ACSL1: variants seen among roughly 807,000 people sequenced by gnomAD.
ACSL1 encodes the protein acyl-CoA synthetase long chain family member 1, also known as long-chain-fatty-acid--CoA ligase 1.
A neutral mutation model predicts 98.4 loss-of-function variants in ACSL1; 41 were observed. That is an observed-to-expected ratio of 0.42 (90% CI 0.32 to 0.54). The LOEUF (loss-of-function observed/expected upper bound fraction) is 0.54. ACSL1 is among the 20% of genes least tolerant of loss of function. The pLI is 0.13. For synonymous variants in ACSL1, 316 were observed against 322.7 expected, an observed-to-expected ratio of 0.98 and a Z score of 0.22; for missense variants, 734 against 883.1, an observed-to-expected ratio of 0.83 and a Z score of 2.14.
intron 2 of ACSL1, among the ~76,000 whole-genome samples, chr4:184,800,159 T>C (rs1053724985): frequency 6.6e-6 from 1 of 152,142 alleles, no homozygotes; most frequent in African/African-American, 2.4e-5. Flanking sequence ...CAAGCAGACA[T>C]TGCATAACTC....
chr4:184,782,027 TG>T (rs1280897379), intron 4 of ACSL1, among the ~76,000 whole-genome samples: 2 of 152,178 alleles, frequency 1.3e-5, no homozygotes, highest in Non-Finnish European at 2.9e-5. Flanking sequence ...CTACTGGTTC[TG>T]GGCCTTGGCA....
intron 1 of ACSL1, among the ~76,000 whole-genome samples, chr4:184,807,575 G>A (rs1771587854): frequency 6.6e-6 from 1 of 152,234 alleles, no homozygotes; most frequent in Non-Finnish European, 1.5e-5. Flanking sequence ...CAGCACAGGA[G>A]ATTCCTTTAA....
Position 184,757,990 on chromosome 4 carries a change from T to A in ACSL1, c.1783-70A>T, listed in dbSNP as rs936390004. The A allele has an allele frequency of 6.2e-6, 9 of 1,452,834 alleles. No individual in the cohort carries two copies. In the African/African-American group the frequency reaches 1.3e-4, roughly 20 times the overall value. The allele number at this position is 1,452,834 out of a possible 1,614,324, so 90.0% of individuals were successfully genotyped here. On this transcript the variant is annotated intron_variant, in intron 18 of 20. Transcript: ENST00000281455. This position sits in a 1 kb window ranked among gnomAD's most constrained non-coding sequence, Gnocchi z 4.5. ...CTCTAAAATAGTGGTTCTTTATTTTTCCATCTTGTGGCCCCCTGGGAGAAT... is the reference window on the plus strand; with the variant it reads ...CTCTAAAATAGTGGTTCTTTATTTTACCATCTTGTGGCCCCCTGGGAGAAT...
chr4:184,785,368 C>T (rs929370488), intron 3 of ACSL1, among the ~76,000 whole-genome samples: 4 of 152,082 alleles, frequency 2.6e-5, no homozygotes, highest in Admixed American at 6.6e-5. Flanking sequence ...CCCGATGGCA[C>T]AAAAGTGCAG....
At chr4:184,769,040 G>A (rs1392192135) in intron 11 of ACSL1, among the ~76,000 whole-genome samples, 4 of 149,438 alleles carry the variant, frequency 2.7e-5, no homozygotes, top group Non-Finnish European at 5.9e-5. Context: ...CTGCTCTCCA[G>A]CCTGGGCCAC....
chr4:184,802,347 T>A (rs994036907), intron 2 of ACSL1, among the ~76,000 whole-genome samples: 1 of 152,094 alleles, frequency 6.6e-6, no homozygotes, highest in Non-Finnish European at 1.5e-5. Flanking sequence ...ACACACTCCC[T>A]CTGCGGCAGT....
intron 3 of ACSL1, among the ~76,000 whole-genome samples, chr4:184,785,478 GC>G (rs1476408256): frequency 6.6e-6 from 1 of 152,024 alleles, no homozygotes; most frequent in Admixed American, 6.6e-5. Context: ...TAGGCGGGCT[GC>G]TTCTATCATT....
In ACSL1 at chr4:184,814,106, C is replaced by T. The variant is rs548840665; in HGVS notation, c.-32-10560G>A. ...GAGATCAAGACCATCCTGGCTCACA[C>T]GGTGAAACCCCGTCTCTACTAAAAA... On this transcript the variant is annotated intron_variant, in intron 1 of 20. Coordinates refer to ENST00000281455, the MANE Select transcript of ACSL1 (RefSeq NM_001995.5). Among the ~76,000 whole-genome samples the T allele has an allele frequency of 1.9e-4, 29 of 152,026 alleles. No individual in the cohort carries two copies. The South Asian group carries it at 5.0e-3, about 26-fold the overall frequency.
intron 3 of ACSL1, 88 bp downstream of exon 3, chr4:184,788,529 A>G (rs1767803034): frequency 1.9e-6 from 2 of 1,076,796 alleles, no homozygotes; most frequent in Non-Finnish European, 2.8e-6. Flanking sequence ...GAGGCGAAAG[A>G]TAGGAGCAAA....
At chr4:184,809,805 A>T (rs751918449) in intron 1 of ACSL1, among the ~76,000 whole-genome samples, 2 of 152,194 alleles carry the variant, frequency 1.3e-5, no homozygotes, top group Non-Finnish European at 2.9e-5. Flanking sequence ...CAAAAAAAAT[A>T]AAAATAAAAT....
intron 12 of ACSL1, among the ~76,000 whole-genome samples, chr4:184,767,253 G>A (rs147909401): frequency 6.9e-6 from 1 of 144,792 alleles, no homozygotes; most frequent in African/African-American, 2.6e-5. Flanking sequence ...CTGCACTCTA[G>A]CCTGGATGAC....
chr4:184,782,541 T>C (rs1235048489), intron 4 of ACSL1, among the ~76,000 whole-genome samples: 1 of 152,118 alleles, frequency 6.6e-6, no homozygotes, highest in African/African-American at 2.4e-5. Context: ...GCACAGAGGA[T>C]TCCATGATGC....
intron 2 of ACSL1, among the ~76,000 whole-genome samples, chr4:184,797,170 C>T (rs1169717283): frequency 2.6e-5 from 4 of 152,190 alleles, no homozygotes; most frequent in South Asian, 2.1e-4. Flanking sequence ...CCGCTCACAG[C>T]GGGCCCCAGC....
intron 2 of ACSL1, among the ~76,000 whole-genome samples, chr4:184,799,913 T>C (rs1022324256): frequency 4.6e-5 from 7 of 152,120 alleles, no homozygotes; most frequent in African/African-American, 1.7e-4. Context: ...TGACTCTTCA[T>C]ATTGATCTGG....
intron 1 of ACSL1, among the ~76,000 whole-genome samples, chr4:184,824,287 G>A (rs1773290063): frequency 3.1e-5 from 4 of 127,624 alleles, no homozygotes. Flanking sequence ...CACCACGCCT[G>A]GCTAATTATT....
intron 1 of ACSL1, among the ~76,000 whole-genome samples, chr4:184,804,587 G>GA (rs56884755): frequency 1.6e-3 from 153 of 94,202 alleles, no homozygotes; most frequent in Middle Eastern, 5.2e-3. Flanking sequence ...TCTCAAAAAA[G>GA]AAAAAAAAAA....
At chr4:184,796,253 G>A (rs1045686514) in intron 2 of ACSL1, among the ~76,000 whole-genome samples, 4 of 152,170 alleles carry the variant, frequency 2.6e-5, no homozygotes, top group Admixed American at 6.5e-5. Context: ...GTTGGGACTC[G>A]GACTGGCTTT....
chr4:184,796,252 C>T (rs950149608), intron 2 of ACSL1, among the ~76,000 whole-genome samples: 8 of 152,192 alleles, frequency 5.3e-5, no homozygotes, highest in South Asian at 4.1e-4. Flanking sequence ...CGTTGGGACT[C>T]GGACTGGCTT....
chr4:184,791,723 C>A (rs1005390968), intron 2 of ACSL1, among the ~76,000 whole-genome samples: 1 of 152,094 alleles, frequency 6.6e-6, no homozygotes, highest in South Asian at 2.1e-4. Flanking sequence ...TCCTACAGAC[C>A]TGGATAGGGC....
Sources: gnomAD v4.1 joint callset for allele counts (sites outside exome capture counted in the v4.1 genomes callset) on GRCh38, gnomAD v4.1.1 for gene constraint, Gnocchi (gnomAD v3.1) non-coding constraint, MANE v1.5 for transcripts, NCBI Gene and HGNC (gene_info 2026-07-23, HGNC 2026-07-21) for gene names.